The following ZFYVE28 variants were observed in gnomAD, a reference collection of about 807,000 sequenced individuals.
The protein encoded by ZFYVE28 is lateral signaling target protein 2 homolog.
ZFYVE28 carries 40 observed loss-of-function variants against 82.1 expected under a neutral mutation model. That is an observed-to-expected ratio of 0.49 (90% CI 0.38 to 0.63). The LOEUF (loss-of-function observed/expected upper bound fraction) is 0.63. Among genes scored for constraint, ZFYVE28 ranks in the 30% least tolerant of loss-of-function variants. The probability of loss-of-function intolerance (pLI) is 0.00; values close to 1 mark genes in which losing one functional copy is unlikely to be tolerated. For synonymous variants in ZFYVE28, 612 were observed against 546.1 expected (o/e 1.12, Z -1.68); for missense variants, 1,321 against 1,242.1 (o/e 1.06, Z -0.96).
At chr4:2,401,037 C>T (rs541412920) in intron 1 of ZFYVE28, among the ~76,000 whole-genome samples, 64 of 152,312 alleles carry the variant, frequency 4.2e-4, no homozygotes, top group Non-Finnish European at 7.5e-4. Flanking sequence ...AGGTGGCAGA[C>T]GTCACACACA....
In ZFYVE28 at chr4:2,372,473, G is replaced by A. The variant is rs1405338243; in HGVS notation, c.40-18400C>T. 2.9e-5 allele frequency among the ~76,000 whole-genome samples: 1 copy of A among 34,592 alleles called. No homozygotes were observed. Among genetic ancestry groups the A allele is most frequent in the African/African-American group, 1.2e-4 (1 of 8,360 alleles). The allele number at this position is 34,592 out of a possible 152,430, so 22.7% of individuals were successfully genotyped here. A position where few individuals can be genotyped will look rare whatever the true frequency, so the allele number is the denominator to read the frequency against. On this transcript the variant is annotated intron_variant, in intron 1 of 12. Transcript: ENST00000290974. The surrounding 1 kb of genome is among the most constrained non-coding windows in gnomAD (Gnocchi z 5.2). ...GGTTCACCCAACACCTGACTCACCC[G>A]ATTCGGGTCTCTGCCTGGACGTCAC...
At chr4:2,303,260 G>A (rs976464275) in intron 8 of ZFYVE28, among the ~76,000 whole-genome samples, 7 of 152,218 alleles carry the variant, frequency 4.6e-5, no homozygotes, top group Admixed American at 2.6e-4. Flanking sequence ...TGGGAGGACC[G>A]AGCACGGGAA....
intron 8 of ZFYVE28, among the ~76,000 whole-genome samples, chr4:2,302,013 G>A (rs1299633040): frequency 6.6e-6 from 1 of 152,230 alleles, no homozygotes; most frequent in Non-Finnish European, 1.5e-5. Context: ...CTCGCATGAG[G>A]CCCTGCCCCG....
chr4:2,363,354 AGCCTGGAACTT>A (rs1726421575), intron 1 of ZFYVE28, among the ~76,000 whole-genome samples: 1 of 152,024 alleles, frequency 6.6e-6, no homozygotes, highest in South Asian at 2.1e-4. Flanking sequence ...TGCCCAGAAC[AGCCTGGAACTT>A]GTCCTTGACC....
chr4:2,381,439 CT>C (rs1236861659), intron 1 of ZFYVE28, among the ~76,000 whole-genome samples: 1 of 152,190 alleles, frequency 6.6e-6, no homozygotes, highest in Non-Finnish European at 1.5e-5. Flanking sequence ...CAGAGTCTCG[CT>C]GTGACACCCA....
At chr4:2,272,881 A>G (rs1736038250) in intron 10 of ZFYVE28, among the ~76,000 whole-genome samples, 1 of 152,226 alleles carries the variant, frequency 6.6e-6, no homozygotes, top group African/African-American at 2.4e-5. Context: ...CTGTGGGCAC[A>G]AGCCATGGGC....
chr4:2,355,042 C>A (rs970316256), intron 1 of ZFYVE28, among the ~76,000 whole-genome samples: 1 of 151,228 alleles, frequency 6.6e-6, no homozygotes, highest in East Asian at 2.0e-4. Flanking sequence ...CACGCCCCAA[C>A]CCCGCCTGGC....
intron 1 of ZFYVE28, among the ~76,000 whole-genome samples, chr4:2,384,177 A>G (rs1560316726): frequency 6.6e-6 from 1 of 152,224 alleles, no homozygotes; most frequent in Admixed American, 6.5e-5. Context: ...GCCAAAGTCA[A>G]TGCCACAGAG....
chr4:2,350,231 G>A (rs752557170), intron 2 of ZFYVE28, among the ~76,000 whole-genome samples: 2 of 152,128 alleles, frequency 1.3e-5, no homozygotes, highest in Non-Finnish European at 2.9e-5. Flanking sequence ...TTGGGAGGCC[G>A]AGGCAGGTGG....
intron 1 of ZFYVE28, among the ~76,000 whole-genome samples, chr4:2,367,975 C>G (rs1322838312): frequency 2.6e-5 from 4 of 152,122 alleles, no homozygotes; most frequent in African/African-American, 4.8e-5. Context: ...AGGTCTGTGT[C>G]CAGGTAGCTC....
At chr4:2,289,595 GC>G (rs1167989388) in intron 8 of ZFYVE28, among the ~76,000 whole-genome samples, 1 of 152,120 alleles carries the variant, frequency 6.6e-6, no homozygotes, top group African/African-American at 2.4e-5. Context: ...ACTGTCAGCA[GC>G]CCCATCGCCC....
chr4:2,402,653 A>C (rs1196489353), intron 1 of ZFYVE28, among the ~76,000 whole-genome samples: 5 of 152,184 alleles, frequency 3.3e-5, no homozygotes, highest in African/African-American at 9.7e-5. Context: ...TCGCACAACA[A>C]CACTCACACA....
Position 2,313,029 on chromosome 4 carries a change from GAGTAAGA to G in ZFYVE28, c.803+7134_803+7140del, listed in dbSNP as rs1717708176. On this transcript the variant is annotated intron_variant, in intron 7 of 12. Transcript: ENST00000290974. ...GAACTGCACTCCAGCCTGGGTGACA[GAGTAAGA>G]CTCTGTCTCAAATAAATAAATAAAT... Among the ~76,000 whole-genome samples the G allele has an allele frequency of 2.6e-5, 4 of 152,004 alleles. No homozygotes were observed. The South Asian group carries it at 8.3e-4, about 31-fold the overall frequency.
intron 1 of ZFYVE28, among the ~76,000 whole-genome samples, chr4:2,400,096 C>T (rs1350252688): frequency 6.6e-6 from 1 of 152,234 alleles, no homozygotes; most frequent in East Asian, 1.9e-4. Context: ...GGGCACAGAA[C>T]CCTGACCCTC....
chr4:2,338,889 A>G (rs1245086218), intron 4 of ZFYVE28, among the ~76,000 whole-genome samples: 1 of 152,160 alleles, frequency 6.6e-6, no homozygotes, highest in Non-Finnish European at 1.5e-5. Context: ...CAGTGGCTGG[A>G]TCGCAGCTCA....
chr4:2,337,803 G>A (rs1047503895), intron 4 of ZFYVE28, among the ~76,000 whole-genome samples: 2 of 152,094 alleles, frequency 1.3e-5, no homozygotes, highest in African/African-American at 2.4e-5. Context: ...CCCAGGAGTT[G>A]GAGGCTGCAG....
At chr4:2,312,118 C>G (rs1315266069) in intron 7 of ZFYVE28, among the ~76,000 whole-genome samples, 2 of 152,114 alleles carry the variant, frequency 1.3e-5, no homozygotes, top group Admixed American at 6.5e-5. Context: ...TTGCCTCACT[C>G]AGGCTGGTCT....
chr4:2,361,386 G>A (rs978083501), intron 1 of ZFYVE28, among the ~76,000 whole-genome samples: 1 of 152,210 alleles, frequency 6.6e-6, no homozygotes, highest in Non-Finnish European at 1.5e-5. Context: ...GCAGGTGGGA[G>A]GTGCGGGTTG....
At chr4:2,407,041 C>T (rs1731998767) in intron 1 of ZFYVE28, among the ~76,000 whole-genome samples, 1 of 152,036 alleles carries the variant, frequency 6.6e-6, no homozygotes, top group African/African-American at 2.4e-5. Context: ...TTTCCACTCC[C>T]CCTTGCCAGG....
Sources: gnomAD v4.1 joint callset for allele counts (sites outside exome capture counted in the v4.1 genomes callset) on GRCh38, gnomAD v4.1.1 for gene constraint, Gnocchi (gnomAD v3.1) non-coding constraint, MANE v1.5 for transcripts, NCBI Gene and HGNC (gene_info 2026-07-23, HGNC 2026-07-21) for gene names.